The following MAST4 variants were observed in gnomAD, a reference collection of about 807,000 sequenced individuals.
MAST4 encodes microtubule associated serine/threonine kinase family member 4, also known as microtubule-associated serine/threonine-protein kinase 4.
Under a neutral mutation model 162.7 loss-of-function variants are expected in MAST4, and 89 were observed. That is an observed-to-expected ratio of 0.55 (90% confidence interval 0.46 to 0.65). MAST4 has a LOEUF of 0.65. Among genes scored for constraint, MAST4 ranks in the 30% least tolerant of loss-of-function variants. MAST4 has a pLI of 0.00. For missense variants in MAST4, 3,153 were observed against 3,374.0 expected (o/e 0.93, Z 1.62); for synonymous variants, 1,479 against 1,361.1 (o/e 1.09, Z -1.91).
rs769177058 is a variant in MAST4, at chr5:67,165,512, G to T, written c.6333G>T (p.Leu2111Phe). ...KSEKLSSFPS[L>F]QKDGAKEPER... ...AAAAGCTCTCCAGTTTCCCATCTTT[G>T]CAGAAAGATGGTGCCAAGGAACCTG... is the stretch of plus-strand genomic sequence containing the variant. Residue 2111 changes from leucine (L) to phenylalanine (F), a missense_variant, in exon 29 of 29, where the codon TTG (leucine) becomes TTT (phenylalanine). Physicochemically the swap from Leu to Phe is conservative, Grantham distance 22 (BLOSUM62 0). Around this residue, in one of 7 missense-constraint regions of MAST4, gnomAD observed 1,644 missense variants for 1,495.0 expected, o/e 1.10. Transcript: ENST00000403625. The T allele has an allele frequency of 6.2e-7, 1 of 1,613,838 alleles. No individual in the cohort carries two copies. Among genetic ancestry groups the T allele is most frequent in the South Asian group, 1.1e-5 (1 of 91,084 alleles).
chr5:66,767,172 TG>T (rs375586340), intron 2 of MAST4, among the ~76,000 whole-genome samples: 302 of 33,970 alleles, frequency 8.9e-3, no homozygotes, highest in African/African-American at 0.018. Flanking sequence ...AAAGTGCACG[TG>T]TGTGTGTGTG....
At chr5:66,782,419 G>T (rs551672634) in intron 2 of MAST4, among the ~76,000 whole-genome samples, 1 of 152,168 alleles carries the variant, frequency 6.6e-6, no homozygotes, top group East Asian at 1.9e-4. Context: ...CAAGGCTACA[G>T]AACTTTCCAC....
intron 1 of MAST4, among the ~76,000 whole-genome samples, chr5:66,604,033 T>C (rs925359644): frequency 3.3e-5 from 5 of 152,314 alleles, no homozygotes; most frequent in Middle Eastern, 3.4e-3. Flanking sequence ...TTCACCTGGT[T>C]CAGAATTCCT....
chr5:66,617,049 A>G (rs1053926470), intron 1 of MAST4, among the ~76,000 whole-genome samples: 7 of 152,216 alleles, frequency 4.6e-5, no homozygotes, highest in African/African-American at 1.7e-4. Context: ...AGAACATTAA[A>G]TCTGTCATTA....
intron 4 of MAST4, among the ~76,000 whole-genome samples, chr5:67,044,361 A>G (rs1757117517): frequency 1.3e-5 from 2 of 152,180 alleles, no homozygotes; most frequent in Admixed American, 6.5e-5. Flanking sequence ...CATGCAGACT[A>G]GGTCTCTCCT....
intron 1 of MAST4, among the ~76,000 whole-genome samples, chr5:66,688,993 A>G (rs1442020950): frequency 6.6e-6 from 1 of 152,168 alleles, no homozygotes; most frequent in African/African-American, 2.4e-5. Context: ...TAGAACCTCA[A>G]AAGGGCTTTT....
intron 1 of MAST4, among the ~76,000 whole-genome samples, chr5:66,720,666 C>T (rs971998156): frequency 6.6e-6 from 1 of 152,102 alleles, no homozygotes; most frequent in Non-Finnish European, 1.5e-5. Flanking sequence ...AGCTGTTCCA[C>T]TGTTTATATT....
intron 1 of MAST4, among the ~76,000 whole-genome samples, chr5:66,684,385 T>G (rs1748512387): frequency 2.0e-5 from 3 of 152,212 alleles, no homozygotes; most frequent in Admixed American, 2.0e-4. Context: ...TTTTTTATGT[T>G]CTATTCTCAA....
chr5:67,130,177 C>T (rs1768789216), intron 14 of MAST4, 33 bp from the exon 15 acceptor site: 4 of 1,577,982 alleles, frequency 2.5e-6, no homozygotes, highest in Non-Finnish European at 3.5e-6. Context: ...TTTCTCTCCT[C>T]CTGTCAACCC....
intron 4 of MAST4, among the ~76,000 whole-genome samples, chr5:67,052,303 A>G (rs1758284103): frequency 6.6e-6 from 1 of 152,140 alleles, no homozygotes; most frequent in South Asian, 2.1e-4. Context: ...CTGTTTGTAT[A>G]TTGACCAAAC....
chr5:66,798,159 A>G (rs1249605170), intron 3 of MAST4, among the ~76,000 whole-genome samples: 2 of 152,220 alleles, frequency 1.3e-5, no homozygotes, highest in Non-Finnish European at 2.9e-5. Context: ...CAGTGGCTAC[A>G]TATTCATCAT....
At chr5:66,725,828 A>T (rs1272362061) in intron 1 of MAST4, among the ~76,000 whole-genome samples, 1 of 152,196 alleles carries the variant, frequency 6.6e-6, no homozygotes, top group East Asian at 1.9e-4. Flanking sequence ...TGTGCCAGGG[A>T]TTCACTATGT....
intron 1 of MAST4, among the ~76,000 whole-genome samples, chr5:66,651,920 G>A (rs1746247450): frequency 6.6e-6 from 1 of 152,196 alleles, no homozygotes; most frequent in African/African-American, 2.4e-5. Context: ...CATGGAGTGA[G>A]CAAAACAAGT....
intron 4 of MAST4, among the ~76,000 whole-genome samples, chr5:67,029,140 A>C (rs1755015764): frequency 6.6e-6 from 1 of 151,980 alleles, no homozygotes; most frequent in Non-Finnish European, 1.5e-5. Flanking sequence ...TCTCAAAAAA[A>C]AAAAAGTCAT....
intron 6 of MAST4, among the ~76,000 whole-genome samples, chr5:67,092,975 A>G (rs1343482846): frequency 2.0e-5 from 3 of 152,184 alleles, no homozygotes; most frequent in African/African-American, 4.8e-5. Flanking sequence ...TATTTTAGCT[A>G]TATTGGCATA....
chr5:66,860,591 G>T (rs1437433761), intron 3 of MAST4, among the ~76,000 whole-genome samples: 1 of 148,952 alleles, frequency 6.7e-6, no homozygotes, highest in Non-Finnish European at 1.5e-5. Context: ...ATTTTTCTTG[G>T]CAAAGATCAC....
intron 12 of MAST4, chr5:67,114,543 T>C (rs1033600877): frequency 7.8e-6 from 2 of 255,026 alleles, no homozygotes; most frequent in Non-Finnish European, 1.5e-5. Flanking sequence ...CAGAGCTCAG[T>C]TGGGCTCTTG....
chr5:66,964,579 A>C (rs1042070795), intron 4 of MAST4, among the ~76,000 whole-genome samples: 1 of 152,174 alleles, frequency 6.6e-6, no homozygotes, highest in Non-Finnish European at 1.5e-5. Context: ...AGGCGGGCAG[A>C]TCACGAAGTC....
At chr5:66,875,795 TTGTC>T (rs1235233181) in intron 3 of MAST4, among the ~76,000 whole-genome samples, 2 of 152,200 alleles carry the variant, frequency 1.3e-5, no homozygotes, top group African/African-American at 4.8e-5. Flanking sequence ...GAGTCTCACT[TTGTC>T]ACTCAGGCTG....
Sources: gnomAD v4.1 joint callset for allele counts (sites outside exome capture counted in the v4.1 genomes callset) on GRCh38, gnomAD v4.1.1 for gene constraint, gnomAD v4.1.1 regional missense constraint, MANE v1.5 for transcripts, NCBI Gene and HGNC (gene_info 2026-07-23, HGNC 2026-07-21) for gene names.